The following ERI3 variants were observed in gnomAD, a reference collection of about 807,000 sequenced individuals.
ERI3 encodes ERI1 exoribonuclease family member 3, also known as ERI1 exoribonuclease 3.
In ERI3, 18 loss-of-function variants were observed where a neutral mutation model predicts 44.4. That is an observed-to-expected ratio of 0.41 (90% CI 0.28 to 0.60). The LOEUF (loss-of-function observed/expected upper bound fraction) is 0.60. Ranked by LOEUF, ERI3 falls within the 20% of genes least tolerant of loss-of-function variation. The pLI, the probability that ERI3 is intolerant of heterozygous loss-of-function variation, is 0.36. For missense variants in ERI3, 294 were observed against 435.5 expected, an observed-to-expected ratio of 0.68 and a Z score of 2.89; for synonymous variants, 183 against 164.8, an observed-to-expected ratio of 1.11 and a Z score of -0.84.
intron 7 of ERI3, among the ~76,000 whole-genome samples, chr1:44,274,773 C>T (rs1175006471): frequency 6.6e-6 from 1 of 152,166 alleles, no homozygotes; most frequent in Non-Finnish European, 1.5e-5. Flanking sequence ...CCCAGGGTTC[C>T]AGCATCAAAC....
intron 4 of ERI3, among the ~76,000 whole-genome samples, chr1:44,317,849 G>A (rs1004091614): frequency 1.3e-5 from 2 of 152,126 alleles, no homozygotes; most frequent in African/African-American, 4.8e-5. Context: ...GGGGAGCTAG[G>A]TGGGAGATGA....
chr1:44,342,875 T>A (rs1646711722), intron 2 of ERI3, among the ~76,000 whole-genome samples: 4 of 80,390 alleles, frequency 5.0e-5, no homozygotes, highest in Non-Finnish European at 7.9e-5. Context: ...TTTTTTTTTT[T>A]TTTTTTTTTT....
chr1:44,326,653 T>G (rs1057167374), intron 3 of ERI3, among the ~76,000 whole-genome samples: 1 of 152,206 alleles, frequency 6.6e-6, no homozygotes. Context: ...TCTTTGGCAT[T>G]TGGCTGTTTG....
intron 2 of ERI3, among the ~76,000 whole-genome samples, chr1:44,351,328 C>G (rs759858587): frequency 6.6e-6 from 1 of 152,162 alleles, no homozygotes; most frequent in Non-Finnish European, 1.5e-5. Flanking sequence ...GCCACCATGC[C>G]GGCCTGCCAA....
At chr1:44,258,139 C>T (rs1644816854) in intron 7 of ERI3, among the ~76,000 whole-genome samples, 1 of 152,196 alleles carries the variant, frequency 6.6e-6, no homozygotes, top group Non-Finnish European at 1.5e-5. Context: ...TGGCATGTAA[C>T]TAGTCCTCAG....
intron 3 of ERI3, among the ~76,000 whole-genome samples, chr1:44,322,477 A>AT (rs1179806988): frequency 7.2e-5 from 11 of 152,048 alleles, no homozygotes. Flanking sequence ...TATTATAAAC[A>AT]TATCTCTGAT....
intron 6 of ERI3, among the ~76,000 whole-genome samples, chr1:44,285,370 C>T (rs568731702): frequency 6.6e-6 from 1 of 152,210 alleles, no homozygotes; most frequent in Admixed American, 6.5e-5. Flanking sequence ...TTTCTATGCA[C>T]TGGTTTGTTA....
chr1:44,239,222 A>C (rs1472006826), intron 8 of ERI3, among the ~76,000 whole-genome samples: 2 of 152,102 alleles, frequency 1.3e-5, no homozygotes, highest in Non-Finnish European at 2.9e-5. Context: ...GTAGGTGCTT[A>C]TGTGCAAGAC....
chr1:44,351,696 G>C (rs1329462404), intron 2 of ERI3, among the ~76,000 whole-genome samples: 3 of 152,152 alleles, frequency 2.0e-5, no homozygotes, highest in African/African-American at 7.2e-5. Flanking sequence ...TAAGGCTCTG[G>C]CCTCTGCTTA....
chr1:44,278,830 T>C (rs1370932563), intron 7 of ERI3, among the ~76,000 whole-genome samples: 2 of 152,202 alleles, frequency 1.3e-5, no homozygotes, highest in Non-Finnish European at 2.9e-5. Context: ...CTCAAACTCC[T>C]GACCTCAGGT....
intron 7 of ERI3, among the ~76,000 whole-genome samples, chr1:44,260,582 A>G (rs551035827): frequency 6.6e-5 from 10 of 152,348 alleles, no homozygotes; most frequent in African/African-American, 2.4e-4. Flanking sequence ...GAGTACCTTT[A>G]GAAATAACAA....
chr1:44,322,065 C>T (rs1394762188), intron 3 of ERI3, among the ~76,000 whole-genome samples: 1 of 152,070 alleles, frequency 6.6e-6, no homozygotes, highest in Admixed American at 6.5e-5. Context: ...GATCTCTTTC[C>T]ACTTTTTTAC....
intron 7 of ERI3, among the ~76,000 whole-genome samples, chr1:44,276,300 G>A (rs1465095888): frequency 1.3e-5 from 2 of 152,196 alleles, no homozygotes; most frequent in Non-Finnish European, 2.9e-5. Flanking sequence ...GGCGTCAGAG[G>A]GAATTCCACA....
chr1:44,345,886 C>G (rs1426093748), intron 2 of ERI3, among the ~76,000 whole-genome samples: 1 of 152,164 alleles, frequency 6.6e-6, no homozygotes, highest in African/African-American at 2.4e-5. Flanking sequence ...AAGAATAGAA[C>G]CCAGGCTCTC....
chr1:44,291,673 C>T (rs1645509528), intron 6 of ERI3, among the ~76,000 whole-genome samples: 1 of 152,202 alleles, frequency 6.6e-6, no homozygotes, highest in African/African-American at 2.4e-5. Flanking sequence ...CCACCTCCAA[C>T]AGAAGATGTC....
intron 7 of ERI3, among the ~76,000 whole-genome samples, chr1:44,250,491 G>C (rs557041205): frequency 1.3e-5 from 2 of 152,358 alleles, no homozygotes; most frequent in Non-Finnish European, 2.9e-5. Flanking sequence ...AGGAGGGCCA[G>C]GCTGGACCAG....
chr1:44,320,648 T>C lies in ERI3; in HGVS notation c.490-904A>G, dbSNP rs529093679. Among the ~76,000 whole-genome samples the C allele has an allele frequency of 1.2e-3, 176 of 152,234 alleles. 1 individual carries two copies. Among genetic ancestry groups the C allele is most frequent in the African/African-American group, 4.0e-3 (165 of 41,540 alleles). ...TAAAAAAAATTATTGCTTTTTAATATTCAAAAACAGTTTGCAAAATTTAAT... is the reference window on the plus strand; with the variant it reads ...TAAAAAAAATTATTGCTTTTTAATACTCAAAAACAGTTTGCAAAATTTAAT... On this transcript the variant is annotated intron_variant, in intron 3 of 8. Coordinates refer to ENST00000372257, the MANE Select transcript of ERI3 (RefSeq NM_024066.3).
intron 3 of ERI3, among the ~76,000 whole-genome samples, chr1:44,324,350 A>G (rs1317373081): frequency 1.3e-5 from 2 of 152,040 alleles, no homozygotes; most frequent in Non-Finnish European, 1.5e-5. Context: ...AGCACTTTCT[A>G]CTAGATCTAC....
chr1:44,346,456 C>T (rs997408345), intron 2 of ERI3, among the ~76,000 whole-genome samples: 1 of 152,200 alleles, frequency 6.6e-6, no homozygotes, highest in Non-Finnish European at 1.5e-5. Flanking sequence ...CTCCTTTCAG[C>T]GGCCAAAGCT....
Sources: allele counts gnomAD v4.1 joint callset (sites outside exome capture counted in the v4.1 genomes callset), GRCh38; gene constraint gnomAD v4.1.1; transcripts MANE v1.5; gene names NCBI Gene and HGNC (gene_info 2026-07-23, HGNC 2026-07-21).